ZMAT4: variants seen among roughly 807,000 people sequenced by gnomAD.
ZMAT4 encodes the protein zinc finger matrin-type 4.
In ZMAT4, 17 loss-of-function variants were observed where a neutral mutation model predicts 28.7. The observed-to-expected ratio is 0.59, with a 90% confidence interval of 0.41 to 0.89. The LOEUF (loss-of-function observed/expected upper bound fraction) is 0.89, where lower values mean the gene tolerates loss of function less well. Ranked by LOEUF, ZMAT4 falls within the 40% of genes least tolerant of loss-of-function variation. The pLI is 0.00. For missense variants in ZMAT4, 240 were observed against 283.8 expected (o/e 0.85, Z 1.11); for synonymous variants, 117 against 109.2 (o/e 1.07, Z -0.44).
chr8:40,638,580 A>C (rs1023402459), intron 5 of ZMAT4, among the ~76,000 whole-genome samples: 57 of 152,246 alleles, frequency 3.7e-4, no homozygotes, highest in African/African-American at 8.4e-4. Flanking sequence ...AATGGCAACC[A>C]AGAAGACAAG....
At chr8:40,698,078 T>A (rs946150162) in intron 3 of ZMAT4, among the ~76,000 whole-genome samples, 10 of 152,156 alleles carry the variant, frequency 6.6e-5, no homozygotes, top group Non-Finnish European at 1.3e-4. Flanking sequence ...ATGTTCAAGA[T>A]TTTTAGAGAT....
At chr8:40,686,731 G>A (rs1809426086) in intron 4 of ZMAT4, among the ~76,000 whole-genome samples, 1 of 152,074 alleles carries the variant, frequency 6.6e-6, no homozygotes, top group South Asian at 2.1e-4. Flanking sequence ...ACCAAAACCA[G>A]TTTCAAATCA....
intron 1 of ZMAT4, among the ~76,000 whole-genome samples, chr8:40,842,438 CTTTCT>C (rs1454412933): frequency 6.6e-6 from 1 of 152,214 alleles, no homozygotes; most frequent in African/African-American, 2.4e-5. Context: ...AGTTATCTTT[CTTTCT>C]TTTCAATTGC....
At chr8:40,745,262 A>T (rs1256112239) in intron 3 of ZMAT4, among the ~76,000 whole-genome samples, 1 of 152,190 alleles carries the variant, frequency 6.6e-6, no homozygotes, top group Non-Finnish European at 1.5e-5. Flanking sequence ...GCAGGTTTGG[A>T]GAGAAAGGAA....
At chr8:40,570,693 T>C (rs149234108) in intron 6 of ZMAT4, among the ~76,000 whole-genome samples, 293 of 151,714 alleles carry the variant, frequency 1.9e-3, no homozygotes, top group African/African-American at 6.6e-3. Context: ...GAGAGCAACC[T>C]TGTCTCCAAA....
Position 40,697,295 on chromosome 8 carries a change from G to T in ZMAT4, c.299C>A (p.Ala100Asp). The stretch of plus-strand genomic sequence containing the variant: ...TCCTAGCAAGAGTTTTAACCTCTTG[G>T]CGTGGATTTTGCCTTGATAATGGGA... ...ADSHYQGKIH[A>D]KRLKLLLGEK... is the part of the protein sequence containing the mutation. The change falls in exon 4 of 7, where the codon GCC becomes GAC. Residue 100 changes from alanine to aspartate, a missense_variant. Coordinates refer to ENST00000297737, the MANE Select transcript of ZMAT4 (RefSeq NM_024645.3). 1 of 1,613,770 alleles carries T rather than the reference G, an allele frequency of 6.2e-7. No individual in the cohort carries two copies. Among genetic ancestry groups the T allele is most frequent in the Non-Finnish European group, 8.5e-7 (1 of 1,179,824 alleles).
Position 40,531,599 on chromosome 8 carries a change from C to T in ZMAT4, c.*624G>A, listed in dbSNP as rs1223585909. 1 of 152,590 alleles carries T rather than the reference C, an allele frequency of 6.6e-6. No homozygotes were observed. The highest frequency in any genetic ancestry group is 1.5e-5 in the Non-Finnish European group (1 of 68,026). The allele number at this position is 152,590 out of a possible 1,614,324, so 9.5% of individuals were successfully genotyped here. On this transcript the variant is annotated 3_prime_UTR_variant, in exon 7 of 7. Transcript: ENST00000297737. ...CTTGGCTTAACCTTGAGAAACTGTT[C>T]TTTGAATGATCAGGAAAAAAGATGA...
chr8:40,857,330 A>C (rs577713488), intron 1 of ZMAT4, among the ~76,000 whole-genome samples: 7 of 152,004 alleles, frequency 4.6e-5, no homozygotes, highest in Non-Finnish European at 1.0e-4. Flanking sequence ...TAGCCGCTGC[A>C]CTCCAGCCCA....
At chr8:40,843,627 C>G (rs1349250811) in intron 1 of ZMAT4, among the ~76,000 whole-genome samples, 2 of 152,202 alleles carry the variant, frequency 1.3e-5, no homozygotes, top group Admixed American at 6.5e-5. Context: ...ACTTTTCCAG[C>G]CTTCAATACT....
At chr8:40,543,662 G>A (rs576355768) in intron 6 of ZMAT4, among the ~76,000 whole-genome samples, 3 of 152,284 alleles carry the variant, frequency 2.0e-5, no homozygotes, top group African/African-American at 4.8e-5. Context: ...GACACTGGCC[G>A]TATAGGCCTT....
intron 4 of ZMAT4, among the ~76,000 whole-genome samples, chr8:40,681,206 C>T (rs917768145): frequency 1.1e-4 from 16 of 152,128 alleles, no homozygotes; most frequent in Non-Finnish European, 2.4e-4. Flanking sequence ...AATGTCAACT[C>T]GTTTCCAATA....
At chr8:40,838,150 C>T (rs533290068) in intron 1 of ZMAT4, among the ~76,000 whole-genome samples, 3 of 152,318 alleles carry the variant, frequency 2.0e-5, no homozygotes, top group South Asian at 2.1e-4. Flanking sequence ...ATCACTCCAC[C>T]GCTTAATGTA....
intron 5 of ZMAT4, among the ~76,000 whole-genome samples, chr8:40,633,078 G>C (rs1430854258): frequency 1.3e-5 from 2 of 151,268 alleles, no homozygotes; most frequent in African/African-American, 2.4e-5. Flanking sequence ...GGGTAGGTTT[G>C]GATGACGAGA....
At chr8:40,549,163 G>T (rs1263115217) in intron 6 of ZMAT4, among the ~76,000 whole-genome samples, 1 of 152,012 alleles carries the variant, frequency 6.6e-6, no homozygotes, top group Non-Finnish European at 1.5e-5. Context: ...ATAAGGAATG[G>T]GCCCTCACCA....
At chr8:40,684,363 T>C (rs1055544487) in intron 4 of ZMAT4, among the ~76,000 whole-genome samples, 1 of 152,116 alleles carries the variant, frequency 6.6e-6, no homozygotes, top group Non-Finnish European at 1.5e-5. Context: ...GAGTTCCAAA[T>C]GGACAACGTG....
chr8:40,680,927 G>A (rs1454428163), intron 4 of ZMAT4, among the ~76,000 whole-genome samples: 1 of 152,114 alleles, frequency 6.6e-6, no homozygotes, highest in East Asian at 1.9e-4. Context: ...GAGAAATAAA[G>A]CCAGAATTTA....
At chr8:40,845,391 A>G (rs1257306381) in intron 1 of ZMAT4, among the ~76,000 whole-genome samples, 1 of 152,214 alleles carries the variant, frequency 6.6e-6, no homozygotes, top group Non-Finnish European at 1.5e-5. Flanking sequence ...AAAAAGTTAG[A>G]AGTTATTAAT....
intron 6 of ZMAT4, among the ~76,000 whole-genome samples, chr8:40,534,810 G>A (rs545365561): frequency 6.6e-6 from 1 of 150,462 alleles, no homozygotes; most frequent in East Asian, 2.0e-4. Context: ...AGCCTCCCAA[G>A]TAGCTGGGAT....
At chr8:40,692,982 C>G (rs1457678764) in intron 4 of ZMAT4, among the ~76,000 whole-genome samples, 1 of 152,108 alleles carries the variant, frequency 6.6e-6, no homozygotes, top group African/African-American at 2.4e-5. Flanking sequence ...GGGTTAGTGT[C>G]CCCTCAAATT....
Sources: allele counts gnomAD v4.1 joint callset (sites outside exome capture counted in the v4.1 genomes callset), GRCh38; gene constraint gnomAD v4.1.1; transcripts MANE v1.5; gene names NCBI Gene and HGNC (gene_info 2026-07-23, HGNC 2026-07-21).